SRCIN1: variants seen among roughly 807,000 people sequenced by gnomAD.
SRCIN1 encodes the protein P130Cas-associated protein.
SRCIN1 carries 50 observed loss-of-function variants against 116.2 expected under a neutral mutation model. That is an observed-to-expected ratio of 0.43 (90% CI 0.34 to 0.54). The LOEUF is 0.54. Among genes scored for constraint, SRCIN1 ranks in the 20% least tolerant of loss-of-function variants. SRCIN1 has a pLI of 0.02. For missense variants in SRCIN1, 1,446 were observed against 1,672.0 expected (o/e 0.86, Z 2.36); for synonymous variants, 736 against 750.0 (o/e 0.98, Z 0.30).
chr17:38,561,665 TG>T lies in SRCIN1; in HGVS notation c.1497del (p.Ser500AlafsTer187). On this transcript the variant is annotated frameshift_variant, in exon 7 of 19. Transcript: ENST00000617146. LOFTEE classifies it high-confidence loss of function. The stretch of plus-strand genomic sequence containing the variant: ...GACTGGCGCACTGGCGAGCCGCGGC[TG>T]GGCGGCCCCGAGTAGGGGCTGTGCG... Reference protein sequence around the residue: ...PPPHSPYSGPPSRGSPVRQSF... With the variant: ...PPPHSPYSGPXSRGSPVRQSF... 1 of 1,557,708 alleles carries T rather than the reference TG, an allele frequency of 6.4e-7. No individual in the cohort carries two copies.
intron 9 of SRCIN1, 86 bp from the exon 10 acceptor site, chr17:38,559,858 C>T (rs969873594): frequency 7.0e-6 from 10 of 1,432,076 alleles, no homozygotes; most frequent in African/African-American, 5.7e-5. Context: ...CCCTACTCTC[C>T]GACCCCACAC....
In SRCIN1 at chr17:38,531,221, G is replaced by A. The variant is rs1232418054; in HGVS notation, c.*2076C>T. On this transcript the variant is annotated 3_prime_UTR_variant, in exon 19 of 19. Transcript: ENST00000617146. ...AGTAGCAAGCAGAGAGTAATGGAGT[G>A]GAGGGAGGAGGGGGCACCACTCCCC... 6.6e-6 allele frequency: 1 copy of A among 151,840 alleles called. No homozygotes were observed. The highest frequency in any genetic ancestry group is 2.4e-5 in the African/African-American group (1 of 41,240). The allele number at this position is 151,840 out of a possible 1,614,324, so 9.4% of individuals were successfully genotyped here. A position where few individuals can be genotyped will look rare whatever the true frequency, so the allele number is the denominator to read the frequency against.
In SRCIN1 at chr17:38,559,613, C is replaced by G. The variant is rs561966878; in HGVS notation, c.1997G>C (p.Gly666Ala). 6.2e-7 allele frequency: 1 copy of G among 1,602,300 alleles called. No homozygotes were observed. The highest frequency in any genetic ancestry group is 1.3e-5 in the African/African-American group (1 of 74,924). Residue 666 changes from glycine to alanine, a missense_variant, in exon 10 of 19, where the codon GGC becomes GCC. Around this residue, in one of 5 missense-constraint regions of SRCIN1, gnomAD observed 398 missense variants for 385.6 expected, o/e 1.03. Coordinates refer to ENST00000617146, the MANE Select transcript of SRCIN1 (RefSeq NM_025248.3). The stretch of plus-strand genomic sequence containing the variant: ...GAGCTTGCGCAACTGCTGGAGCTGG[C>G]CGCGCAAGTCACTGGCGCTGTTCTG... ...GLQNSASDLR[G>A]QLQQLRKLQL...
rs765150450 is a variant in SRCIN1 at position 38,533,416 on chromosome 17, T to C, written c.3433A>G (p.Lys1145Glu). 1.2e-6 allele frequency: 2 copies of C among 1,613,208 alleles called. No individual in the cohort carries two copies. Among genetic ancestry groups the C allele is most frequent in the Non-Finnish European group, 1.7e-6 (2 of 1,179,676 alleles). Residue 1145 changes from lysine (K) to glutamate (E), a missense_variant, in exon 19 of 19, where the codon AAA becomes GAA. Lys to Glu is a moderately conservative substitution (Grantham distance 56). This residue lies in a region of SRCIN1 where 531 missense variants were observed against 633.9 expected (regional missense o/e 0.84). Coordinates refer to ENST00000617146, the MANE Select transcript of SRCIN1 (RefSeq NM_025248.3). ...GTCTCATTCGACCCGCTCATCTCTT[T>C]AGATGGTTTAGTGGCCTGGAACAAA... ...QAQQQATKPS[K>E]EMSGSNETSS...
At position 38,585,655 on chromosome 17, in the gene SRCIN1, C is replaced by T. The variant is rs1908073019; in HGVS notation, c.23-6864G>A. Among the ~76,000 whole-genome samples, 1 of 152,156 alleles carries T rather than the reference C, an allele frequency of 6.6e-6. No homozygotes were observed. Among genetic ancestry groups the T allele is most frequent in the African/African-American group, 2.4e-5 (1 of 41,440 alleles). Reference sequence around the variant, plus strand: ...GCTGTGGGTCCTTGGATCAGAAGCCCATCTGTGTCTGTTTTCTAAAACCAT... The same window carrying T: ...GCTGTGGGTCCTTGGATCAGAAGCCTATCTGTGTCTGTTTTCTAAAACCAT... On this transcript the variant is annotated intron_variant, in intron 1 of 18. Coordinates refer to ENST00000617146, the MANE Select transcript of SRCIN1 (RefSeq NM_025248.3). This position sits in a 1 kb window ranked among gnomAD's most constrained non-coding sequence, Gnocchi z 4.2.
At position 38,605,674 on chromosome 17, in the gene SRCIN1, A is replaced by G. The variant is rs1209262342; in HGVS notation, c.22+10T>C. On this transcript the variant is annotated intron_variant, in intron 1 of 18. Transcript: ENST00000617146. ...GAGGCACATTAGGGAGGAGAGAGAC[A>G]GGGACATGCCTTGGGACGGAGCGTT... 56 of 1,282,520 alleles carry G rather than the reference A, an allele frequency of 4.4e-5. No individual in the cohort carries two copies. The highest frequency in any genetic ancestry group is 5.4e-5 in the Non-Finnish European group (54 of 999,430). The allele number at this position is 1,282,520 out of a possible 1,614,324, so 79.4% of individuals were successfully genotyped here.
rs1425892231 is a variant in SRCIN1, at chr17:38,605,707, G to A, written c.-2C>T. On this transcript the variant is annotated 5_prime_UTR_variant, in exon 1 of 19. Transcript: ENST00000617146. The stretch of plus-strand genomic sequence containing the variant: ...GCCTTGGGACGGAGCGTTCCCCATC[G>A]GGCGGGGGCGCGGGGGGCGGGGGCC... The A allele has an allele frequency of 1.6e-5, 20 of 1,228,424 alleles. No individual in the cohort carries two copies. Among genetic ancestry groups the A allele is most frequent in the Non-Finnish European group, 1.9e-5 (19 of 976,990 alleles). 76.1% of individuals were successfully genotyped at this position (1,228,424 alleles called of 1,614,324 possible). A position where few individuals can be genotyped will look rare whatever the true frequency, so the allele number is the denominator to read the frequency against.
chr17:38,548,540 G>C lies in SRCIN1; in HGVS notation c.3270+17C>G, dbSNP rs375498886. The C allele has an allele frequency of 8.1e-6, 13 of 1,608,238 alleles. No individual in the cohort carries two copies. The African/African-American group carries it at 1.7e-4, about 21-fold the overall frequency. On this transcript the variant is annotated intron_variant, in intron 17 of 18. Transcript: ENST00000617146. Reference sequence around the variant, plus strand: ...GGCCTGGCTGAGACCTTGGGGGCCAGGTGTGCCCTGACCTACCTCTAGCTC... The same window carrying C: ...GGCCTGGCTGAGACCTTGGGGGCCACGTGTGCCCTGACCTACCTCTAGCTC...
chr17:38,581,521 T>G (rs1907820385), intron 1 of SRCIN1, among the ~76,000 whole-genome samples: 1 of 150,334 alleles, frequency 6.7e-6, no homozygotes. Context: ...AAAGCCCCAA[T>G]TAGAAGGTCA....
intron 3 of SRCIN1, among the ~76,000 whole-genome samples, chr17:38,566,838 G>GTGTTTTGTTT (rs71138632): frequency 6.0e-4 from 89 of 147,586 alleles, no homozygotes; most frequent in African/African-American, 2.0e-3. Context: ...GCATCCTCTC[G>GTGTTTTGTTT]TGTTTTGTTT....
At chr17:38,581,676 G>A (rs950757182) in intron 1 of SRCIN1, among the ~76,000 whole-genome samples, 4 of 152,118 alleles carry the variant, frequency 2.6e-5, no homozygotes, top group African/African-American at 4.8e-5. Flanking sequence ...ATGGTAATTC[G>A]TGAAATAGAC....
rs1906262441 is a variant in SRCIN1 at position 38,561,730 on chromosome 17, A to G, written c.1433T>C (p.Leu478Pro). ...TCCGGGGGGTGCTGCCACGTCGGCC[A>G]GCTTCTGCGGTGACGAAGGCGGCAG... The part of the protein sequence containing the change: ...FRLPPSSPQK[L>P]ADVAAPPGGP... Residue 478 changes from leucine (L) to proline (P), a missense_variant, in exon 7 of 19, where the codon CTG becomes CCG. By Grantham distance (98) the Leu-to-Pro change is moderately conservative (BLOSUM62 -3). This residue lies in a region of SRCIN1 where 398 missense variants were observed against 385.6 expected (regional missense o/e 1.03). Coordinates refer to ENST00000617146, the MANE Select transcript of SRCIN1 (RefSeq NM_025248.3). 6.6e-7 allele frequency: 1 copy of G among 1,524,126 alleles called. No individual in the cohort carries two copies. Among genetic ancestry groups the G allele is most frequent in the Non-Finnish European group, 8.8e-7 (1 of 1,141,980 alleles). The allele number at this position is 1,524,126 out of a possible 1,614,324, so 94.4% of individuals were successfully genotyped here.
intron 1 of SRCIN1, among the ~76,000 whole-genome samples, chr17:38,595,459 G>A (rs866013502): frequency 1.3e-5 from 2 of 152,116 alleles, no homozygotes. Context: ...CTCATGATCC[G>A]CCTGCCTCGG....
At chr17:38,600,010 A>G (rs1410372791) in intron 1 of SRCIN1, among the ~76,000 whole-genome samples, 1 of 152,216 alleles carries the variant, frequency 6.6e-6, no homozygotes, top group Non-Finnish European at 1.5e-5. Flanking sequence ...TTGATTGTTT[A>G]GTATATGTCC....
At position 38,533,104 on chromosome 17, in the gene SRCIN1, A is replaced by AAAAC. The variant is rs2144871716; in HGVS notation, c.*192_*193insGTTT. ...ATTAAAAGTTAATTGTTAAAAAAAA[A>AAAAC]AAAAAAAACAAAACCAAAAACACCA... is the stretch of plus-strand genomic sequence containing the variant. On this transcript the variant is annotated 3_prime_UTR_variant, in exon 19 of 19. Transcript: ENST00000617146. 2 of 425,702 alleles carry AAAAC rather than the reference A, an allele frequency of 4.7e-6. No individual in the cohort carries two copies. The highest frequency in any genetic ancestry group is 8.5e-5 in the East Asian group (2 of 23,412). The allele number at this position is 425,702 out of a possible 1,614,324, so 26.4% of individuals were successfully genotyped here. A position where few individuals can be genotyped will look rare whatever the true frequency, so the allele number is the denominator to read the frequency against.
chr17:38,587,973 A>G (rs940498958), intron 1 of SRCIN1, among the ~76,000 whole-genome samples: 2 of 152,028 alleles, frequency 1.3e-5, no homozygotes, highest in African/African-American at 2.4e-5. Flanking sequence ...TGACATTACC[A>G]AAAACCACTG....
intron 1 of SRCIN1, among the ~76,000 whole-genome samples, chr17:38,605,429 C>T (rs1393357857): frequency 1.4e-5 from 2 of 147,066 alleles, no homozygotes; most frequent in South Asian, 2.2e-4. Flanking sequence ...CCCACCCAGT[C>T]TCCTGCCTCG....
rs1469244353 is a variant in SRCIN1 at position 38,564,280 on chromosome 17, G to C, written c.379C>G (p.Pro127Ala). ...RSSRHTQGAQ[P>A]GLADQAAKLS... is the part of the protein sequence containing the mutation. ...TTTGCCGCCTGGTCTGCCAGCCCGG[G>C]CTGGGCTCCCTGAGTGTGGCGTGAG... The change falls in exon 4 of 19, where the codon CCC (proline) becomes GCC (alanine). Residue 127 changes from proline to alanine, a missense_variant. This residue lies in a region of SRCIN1 where 246 missense variants were observed against 265.1 expected (regional missense o/e 0.93). Transcript: ENST00000617146. 1 of 1,571,508 alleles carries C rather than the reference G, an allele frequency of 6.4e-7. No homozygotes were observed. Among genetic ancestry groups the C allele is most frequent in the East Asian group, 2.3e-5 (1 of 42,994 alleles).
At chr17:38,593,684 C>T (rs892560873) in intron 1 of SRCIN1, among the ~76,000 whole-genome samples, 1 of 152,170 alleles carries the variant, frequency 6.6e-6, no homozygotes, top group African/African-American at 2.4e-5. Context: ...TACTGGCCAT[C>T]AGTGTTTTCA....
Sources: gnomAD v4.1 joint callset for allele counts (sites outside exome capture counted in the v4.1 genomes callset) on GRCh38, gnomAD v4.1.1 for gene constraint, gnomAD v4.1.1 regional missense constraint, Gnocchi (gnomAD v3.1) non-coding constraint, MANE v1.5 for transcripts, NCBI Gene and HGNC (gene_info 2026-07-23, HGNC 2026-07-21) for gene names.